Variants in DCDC1 observed in about 807,000 individuals in gnomAD.
The protein encoded by DCDC1 is doublecortin domain-containing protein 1.
A neutral mutation model predicts 178.3 loss-of-function variants in DCDC1; 200 were observed. The observed-to-expected ratio is 1.12, with a 90% CI of 1.00 to 1.26. The LOEUF (loss-of-function observed/expected upper bound fraction) is 1.26. Ranked by LOEUF, DCDC1 falls within the 50% of genes most tolerant of loss-of-function variation. The pLI is 0.00. For synonymous variants in DCDC1, 690 were observed against 604.8 expected (o/e 1.14, Z -2.07); for missense variants, 1,983 against 1,749.2 (o/e 1.13, Z -2.38).
chr11:31,211,325 A>G (rs2136530609), intron 9 of DCDC1, among the ~76,000 whole-genome samples: 1 of 152,354 alleles, frequency 6.6e-6, no homozygotes, highest in Middle Eastern at 3.4e-3. Flanking sequence ...CTATTTATTT[A>G]AGACCATATG....
At chr11:31,047,316 T>C (rs1178546741) in intron 20 of DCDC1, among the ~76,000 whole-genome samples, 1 of 152,208 alleles carries the variant, frequency 6.6e-6, no homozygotes, top group Admixed American at 6.5e-5. Context: ...ATGTCTGTTA[T>C]TGTGTTGTCA....
intron 34 of DCDC1, among the ~76,000 whole-genome samples, chr11:30,897,402 C>G (rs1222199428): frequency 6.6e-6 from 1 of 151,960 alleles, no homozygotes; most frequent in Non-Finnish European, 1.5e-5. Flanking sequence ...TCCTGGCTAA[C>G]ACGGTGAAAC....
At chr11:31,298,305 T>G (rs1420182271) in intron 6 of DCDC1, among the ~76,000 whole-genome samples, 2 of 152,132 alleles carry the variant, frequency 1.3e-5, no homozygotes, top group African/African-American at 4.8e-5. Flanking sequence ...CCTTATCCCC[T>G]CTAAATATGC....
chr11:31,193,125 C>A (rs1404256203), intron 9 of DCDC1, among the ~76,000 whole-genome samples: 2 of 152,036 alleles, frequency 1.3e-5, no homozygotes, highest in Non-Finnish European at 2.9e-5. Flanking sequence ...TGGACTCAGA[C>A]TGAATTACAT....
chr11:30,899,755 A>T, intron 33 of DCDC1, 113 bp from the exon 34 acceptor site: 1 of 788,062 alleles, frequency 1.3e-6, no homozygotes. Context: ...ACAAGTAATT[A>T]AAAGGTAAGG....
intron 18 of DCDC1, among the ~76,000 whole-genome samples, chr11:31,075,606 T>C (rs1956818178): frequency 6.6e-6 from 1 of 152,198 alleles, no homozygotes; most frequent in South Asian, 2.1e-4. Flanking sequence ...GTGTAACAAG[T>C]ATCTTGTTTT....
chr11:31,126,176 T>A (rs564143429), intron 11 of DCDC1, among the ~76,000 whole-genome samples: 166 of 152,222 alleles, frequency 1.1e-3, no homozygotes, highest in Non-Finnish European at 1.8e-3. Flanking sequence ...CACTTCCCCA[T>A]CCCTTTTTAT....
chr11:30,937,684 T>C (rs1947361528), intron 21 of DCDC1, among the ~76,000 whole-genome samples: 1 of 152,134 alleles, frequency 6.6e-6, no homozygotes, highest in Non-Finnish European at 1.5e-5. Context: ...CTTCTGAGCT[T>C]CCCTCAGTAA....
intron 8 of DCDC1, among the ~76,000 whole-genome samples, chr11:31,257,551 T>C (rs1034884989): frequency 6.6e-6 from 1 of 152,056 alleles, no homozygotes; most frequent in Non-Finnish European, 1.5e-5. Context: ...AAAATATGCT[T>C]AATTATTATG....
At chr11:31,013,659 C>T (rs1474237892) in intron 20 of DCDC1, among the ~76,000 whole-genome samples, 1 of 152,144 alleles carries the variant, frequency 6.6e-6, no homozygotes, top group East Asian at 1.9e-4. Flanking sequence ...GGTTTTAAAA[C>T]TGTACAACAA....
chr11:30,982,932 A>G (rs75080012), intron 20 of DCDC1, among the ~76,000 whole-genome samples: 2,709 of 152,222 alleles, frequency 0.018, 84 homozygotes, highest in African/African-American at 0.062. Flanking sequence ...ATTAATTTTT[A>G]TGCAAATAAG....
At chr11:31,129,780 C>T (rs923816405) in intron 10 of DCDC1, among the ~76,000 whole-genome samples, 16 of 152,020 alleles carry the variant, frequency 1.1e-4, no homozygotes, top group African/African-American at 3.6e-4. Flanking sequence ...ATTAGGTCAC[C>T]TCCACCAAAT....
intron 36 of DCDC1, among the ~76,000 whole-genome samples, chr11:30,890,009 G>A (rs963680769): frequency 3.3e-5 from 5 of 152,074 alleles, no homozygotes; most frequent in South Asian, 2.1e-4. Context: ...AAGAAGAGAC[G>A]CCAGGGTTCT....
chr11:31,114,795 T>C (rs1959622567), intron 11 of DCDC1, among the ~76,000 whole-genome samples: 1 of 152,116 alleles, frequency 6.6e-6, no homozygotes, highest in South Asian at 2.1e-4. Flanking sequence ...GGATCTGACT[T>C]ATTAACACAT....
intron 17 of DCDC1, among the ~76,000 whole-genome samples, chr11:31,089,825 C>T (rs1365348139): frequency 6.6e-6 from 1 of 151,968 alleles, no homozygotes; most frequent in Non-Finnish European, 1.5e-5. Flanking sequence ...TCAATCTTTC[C>T]TCTAGCTTCT....
intron 9 of DCDC1, among the ~76,000 whole-genome samples, chr11:31,197,065 C>A (rs1279061466): frequency 6.6e-6 from 1 of 151,978 alleles, no homozygotes; most frequent in South Asian, 2.1e-4. Context: ...TTTAGGAGCT[C>A]TATGTCAGGA....
At chr11:31,109,469 A>G (rs1959060786) in intron 12 of DCDC1, among the ~76,000 whole-genome samples, 1 of 152,078 alleles carries the variant, frequency 6.6e-6, no homozygotes, top group Non-Finnish European at 1.5e-5. Flanking sequence ...TTCTCTCTCT[A>G]ATCAAAGTAG....
At position 30,864,189 on chromosome 11, in the gene DCDC1, A is replaced by C. The variant is rs891852309; in HGVS notation, c.*1184T>G. On this transcript the variant is annotated 3_prime_UTR_variant, in exon 39 of 39. Coordinates refer to ENST00000684477, the MANE Select transcript of DCDC1 (RefSeq NM_001387274.1). ...ATGGCTTTCCAAAAGATTCTTAAAG[A>C]GCTATATAAACCAAATCAACTTGAG... The C allele has an allele frequency of 6.6e-6, 1 of 152,202 alleles. No individual in the cohort carries two copies. The highest frequency in any genetic ancestry group is 2.4e-5 in the African/African-American group (1 of 41,446). The allele number at this position is 152,202 out of a possible 1,614,324, so 9.4% of individuals were successfully genotyped here. A position where few individuals can be genotyped will look rare whatever the true frequency, so the allele number is the denominator to read the frequency against.
At chr11:31,068,332 A>G (rs1956367301) in intron 18 of DCDC1, among the ~76,000 whole-genome samples, 1 of 152,214 alleles carries the variant, frequency 6.6e-6, no homozygotes, top group African/African-American at 2.4e-5. Flanking sequence ...TGGAATATCT[A>G]TCACCATGAG....
Sources: allele counts gnomAD v4.1 joint callset (sites outside exome capture counted in the v4.1 genomes callset), GRCh38; gene constraint gnomAD v4.1.1; transcripts MANE v1.5; gene names NCBI Gene and HGNC (gene_info 2026-07-23, HGNC 2026-07-21).